Variants in PARP4 observed in about 807,000 individuals in gnomAD.
PARP4 encodes poly(ADP-ribose) polymerase family member 4, also known as protein mono-ADP-ribosyltransferase PARP4.
Under a neutral mutation model 187.7 loss-of-function variants are expected in PARP4, and 120 were observed. The ratio of observed to expected loss-of-function variants is 0.64; its 90% CI spans 0.55 to 0.74. The LOEUF is 0.74. PARP4 is among the 30% of genes least tolerant of loss of function. The pLI is 0.00. For missense variants in PARP4, 1,836 were observed against 2,070.5 expected, an observed-to-expected ratio of 0.89 and a Z score of 2.20; for synonymous variants, 654 against 740.9, an observed-to-expected ratio of 0.88 and a Z score of 1.90.
chr13:24,466,553 G>C (rs1872480470), intron 17 of PARP4, among the ~76,000 whole-genome samples: 2 of 152,060 alleles, frequency 1.3e-5, no homozygotes, highest in Admixed American at 1.3e-4. Flanking sequence ...TCAGCACTTT[G>C]GGAGGCAGAG....
At chr13:24,438,699 G>A (rs540744385) in intron 30 of PARP4, among the ~76,000 whole-genome samples, 1 of 152,288 alleles carries the variant, frequency 6.6e-6, no homozygotes, top group East Asian at 1.9e-4. Context: ...AGCACTGAGC[G>A]CTGTCCTTCC....
intron 29 of PARP4, 23 bp downstream of exon 29, chr13:24,442,567 C>T: frequency 8.0e-7 from 1 of 1,246,928 alleles, no homozygotes; most frequent in Non-Finnish European, 1.2e-6. Flanking sequence ...ATAATTTAAC[C>T]TCGAATTACC....
intron 17 of PARP4, among the ~76,000 whole-genome samples, chr13:24,461,897 C>T (rs1274279554): frequency 1.3e-5 from 2 of 152,178 alleles, no homozygotes; most frequent in East Asian, 3.8e-4. Flanking sequence ...GAAACAGCCA[C>T]CTCCCCATGG....
chr13:24,496,900 G>A (rs756291613), intron 6 of PARP4, among the ~76,000 whole-genome samples: 3 of 152,180 alleles, frequency 2.0e-5, no homozygotes, highest in Non-Finnish European at 2.9e-5. Context: ...GCGCATGCCT[G>A]TAATCCCAGC....
intron 1 of PARP4, among the ~76,000 whole-genome samples, chr13:24,511,090 G>C (rs551060091): frequency 1.3e-5 from 2 of 152,268 alleles, no homozygotes; most frequent in South Asian, 2.1e-4. Flanking sequence ...GCCCGGCCCA[G>C]AGTAAAAACA....
chr13:24,460,468 TG>T (rs1462547165), intron 17 of PARP4, among the ~76,000 whole-genome samples: 9 of 97,626 alleles, frequency 9.2e-5, no homozygotes, highest in Non-Finnish European at 1.3e-4. Flanking sequence ...GGGTGGGCTC[TG>T]CTGCACGGGT....
chr13:24,464,851 CCA>C, intron 17 of PARP4, among the ~76,000 whole-genome samples: 1 of 151,924 alleles, frequency 6.6e-6, no homozygotes, highest in Non-Finnish European at 1.5e-5. Flanking sequence ...AGCAGAGCGA[CCA>C]GACAACCTAG....
intron 25 of PARP4, among the ~76,000 whole-genome samples, chr13:24,448,948 G>A (rs750906691): frequency 3.3e-5 from 5 of 152,212 alleles, no homozygotes; most frequent in Non-Finnish European, 7.3e-5. Context: ...TAGAGTCATG[G>A]TTAGCAGGCG....
In PARP4 at chr13:24,442,652, T is replaced by C; in HGVS notation, c.3481A>G (p.Lys1161Glu). 6.3e-7 allele frequency: 1 copy of C among 1,597,550 alleles called. No individual in the cohort carries two copies. The highest frequency in any genetic ancestry group is 8.6e-7 in the Non-Finnish European group (1 of 1,164,994). ...ATGAGAGAGTTTTCTTTACTGAGTT[T>C]AATAATCAGAGATTTCAAGGTTTGT... is the stretch of plus-strand genomic sequence containing the variant. ...KKQTLKSLIIKLSKENSLITQ... is the reference protein window; with the variant it reads ...KKQTLKSLIIELSKENSLITQ... The change falls in exon 29 of 34, where the codon AAA becomes GAA. Residue 1161 changes from lysine to glutamate, a missense_variant. Around this residue, in one of 8 missense-constraint regions of PARP4, gnomAD observed 47 missense variants for 99.5 expected, o/e 0.47. Coordinates refer to ENST00000381989, the MANE Select transcript of PARP4 (RefSeq NM_006437.4).
At chr13:24,504,266 T>C (rs771951441) in intron 1 of PARP4, among the ~76,000 whole-genome samples, 23 of 151,798 alleles carry the variant, frequency 1.5e-4, no homozygotes, top group Non-Finnish European at 3.1e-4. Flanking sequence ...AAATGGAATA[T>C]GTATGTGTGT....
intron 6 of PARP4, among the ~76,000 whole-genome samples, chr13:24,497,722 G>A (rs1271126877): frequency 1.3e-5 from 2 of 152,184 alleles, no homozygotes; most frequent in African/African-American, 2.4e-5. Flanking sequence ...TGGAGACAGA[G>A]CCTTTCAAGA....
At chr13:24,434,333 G>A (rs576485494) in intron 31 of PARP4, 62 bp downstream of exon 31, 4 of 1,475,404 alleles carry the variant, frequency 2.7e-6, no homozygotes, top group Admixed American at 2.3e-5. Flanking sequence ...CTGCTTTGAG[G>A]AGCCCCGTTC....
chr13:24,459,289 T>C lies in PARP4; in HGVS notation c.2320A>G (p.Ile774Val), dbSNP rs1256156983. The change falls in exon 19 of 34, where the codon ATA becomes GTA. Residue 774 changes from isoleucine (I) to valine (V), a missense_variant. By Grantham distance (29) the Ile-to-Val change is conservative (BLOSUM62 3). Around this residue, in one of 8 missense-constraint regions of PARP4, gnomAD observed 1,147 missense variants for 1,214.2 expected, o/e 0.94. Transcript: ENST00000381989. Reference protein sequence around the residue: ...NLQDTVEKICIKEIGTKQSFS... With the variant: ...NLQDTVEKICVKEIGTKQSFS... Reference sequence around the variant, plus strand: ...CTTTGCTTTGTTCCTATTTCTTTTATACAAATCTTCTCTACTGTATCCTGT... The same window carrying C: ...CTTTGCTTTGTTCCTATTTCTTTTACACAAATCTTCTCTACTGTATCCTGT... 1.3e-6 allele frequency: 2 copies of C among 1,575,728 alleles called. No individual in the cohort carries two copies. Among genetic ancestry groups the C allele is most frequent in the East Asian group, 2.2e-5 (1 of 44,574 alleles).
chr13:24,434,231 A>G (rs1357047330), intron 31 of PARP4, among the ~76,000 whole-genome samples, 164 bp downstream of exon 31: 1 of 148,316 alleles, frequency 6.7e-6, no homozygotes, highest in Non-Finnish European at 1.5e-5. Flanking sequence ...TTTTGTAGCA[A>G]GAGTTCCTCA....
chr13:24,474,398 G>A (rs1366003908), intron 15 of PARP4, among the ~76,000 whole-genome samples: 1 of 120,568 alleles, frequency 8.3e-6, no homozygotes, highest in Non-Finnish European at 1.9e-5. Context: ...CCTGTGGGGC[G>A]CCTCCCCAGG....
At chr13:24,488,617 G>T (rs1306975651) in intron 10 of PARP4, among the ~76,000 whole-genome samples, 2 of 151,964 alleles carry the variant, frequency 1.3e-5, no homozygotes, top group East Asian at 3.9e-4. Context: ...GCCTCCCAAA[G>T]TGCTGGAATT....
chr13:24,423,744 C>T (rs533219002), intron 33 of PARP4, among the ~76,000 whole-genome samples: 1 of 151,958 alleles, frequency 6.6e-6, no homozygotes, highest in East Asian at 2.0e-4. Flanking sequence ...GTGGCACGAT[C>T]ACAACTCACT....
In PARP4 at chr13:24,459,251, T is replaced by C. The variant is rs1872057249; in HGVS notation, c.2345+13A>G. The C allele has an allele frequency of 1.3e-6, 2 of 1,590,908 alleles. No homozygotes were observed. The highest frequency in any genetic ancestry group is 1.4e-5 in the African/African-American group (1 of 73,802). ...TCCATTGAATTGACAGGTTTTATAT[T>C]TTAGGTACTAACCTTTGCTTTGTTC... On this transcript the variant is annotated intron_variant, in intron 19 of 33. Coordinates refer to ENST00000381989, the MANE Select transcript of PARP4 (RefSeq NM_006437.4).
chr13:24,497,646 C>A (rs1419312532), intron 6 of PARP4, among the ~76,000 whole-genome samples: 2 of 152,196 alleles, frequency 1.3e-5, no homozygotes. Flanking sequence ...TATGGCTGAA[C>A]TGTACCCCTA....
Sources: allele counts gnomAD v4.1 joint callset (sites outside exome capture counted in the v4.1 genomes callset), GRCh38; gene constraint gnomAD v4.1.1; regional missense constraint gnomAD v4.1.1; transcripts MANE v1.5; gene names NCBI Gene and HGNC (gene_info 2026-07-23, HGNC 2026-07-21).